RBFOX1: variants seen among roughly 807,000 people sequenced by gnomAD.
RBFOX1 encodes RNA binding fox-1 homolog 1, also known as RNA binding protein fox-1 homolog 1.
In RBFOX1, 8 loss-of-function variants were observed where a neutral mutation model predicts 57.7. That is an observed-to-expected ratio of 0.14 (90% CI 0.08 to 0.25). The LOEUF is 0.25. Ranked by LOEUF, RBFOX1 falls within the 10% of genes least tolerant of loss-of-function variation. The probability of loss-of-function intolerance (pLI) is 1.00; values close to 1 mark genes in which losing one functional copy is unlikely to be tolerated. For synonymous variants in RBFOX1, 326 were observed against 222.4 expected (o/e 1.47, Z -4.15); for missense variants, 611 against 548.5 (o/e 1.11, Z -1.14).
intron 1 of RBFOX1, among the ~76,000 whole-genome samples, chr16:5,274,571 A>G (rs190183710): frequency 9.2e-5 from 14 of 152,308 alleles, no homozygotes; most frequent in Non-Finnish European, 2.9e-5. Flanking sequence ...AGTTAGGATG[A>G]AAGCTTCCAA....
At chr16:6,609,400 A>C (rs1011468953) in intron 2 of RBFOX1, among the ~76,000 whole-genome samples, 2 of 151,824 alleles carry the variant, frequency 1.3e-5, no homozygotes, top group African/African-American at 4.8e-5. Flanking sequence ...GCTGGAGTGC[A>C]GTAGTGCAGT....
chr16:6,659,451 A>G (rs1407015879), intron 3 of RBFOX1, among the ~76,000 whole-genome samples: 3 of 152,124 alleles, frequency 2.0e-5, no homozygotes, highest in Non-Finnish European at 4.4e-5. Flanking sequence ...ATCTTTTTAC[A>G]ATACTTCTTC....
At chr16:5,646,345 C>T (rs1401757482) in intron 3 of RBFOX1, among the ~76,000 whole-genome samples, 2 of 151,836 alleles carry the variant, frequency 1.3e-5, no homozygotes, top group Non-Finnish European at 2.9e-5. Context: ...CACTATGTTG[C>T]TCAGGCTGAT....
intron 1 of RBFOX1, among the ~76,000 whole-genome samples, chr16:5,375,480 C>T (rs771407801): frequency 1.7e-4 from 26 of 151,472 alleles, no homozygotes; most frequent in Non-Finnish European, 2.7e-4. Flanking sequence ...GGTGATAAGT[C>T]GGGTGTTCTG....
At chr16:7,065,953 C>T (rs1356813826) in intron 4 of RBFOX1, among the ~76,000 whole-genome samples, 1 of 152,098 alleles carries the variant, frequency 6.6e-6, no homozygotes, top group Non-Finnish European at 1.5e-5. Flanking sequence ...CCCACAGTAA[C>T]TTGTGTAAAA....
intron 3 of RBFOX1, among the ~76,000 whole-genome samples, chr16:6,998,274 A>G (rs1596467106): frequency 6.6e-6 from 1 of 152,206 alleles, no homozygotes; most frequent in South Asian, 2.1e-4. Context: ...GGGGTTCTAG[A>G]AACTGGCTTA....
rs138769506 is a variant in RBFOX1, at chr16:5,375,215, T to C, written c.220-92001T>C. Among the ~76,000 whole-genome samples, 49 of 152,080 alleles carry C rather than the reference T, an allele frequency of 3.2e-4. 1 individual carries two copies. The East Asian group carries it at 9.3e-3, about 29-fold the overall frequency. On this transcript the variant is annotated intron_variant, in intron 1 of 2. Coordinates refer to the RBFOX1 transcript ENST00000585867. Reference sequence around the variant, plus strand: ...GCACTTTAATGGTCATTGTGACTCTTGGAGAGGGGAAGATGACATGTGATA... The same window carrying C: ...GCACTTTAATGGTCATTGTGACTCTCGGAGAGGGGAAGATGACATGTGATA...
At chr16:7,260,738 C>T (rs771717038) in intron 4 of RBFOX1, among the ~76,000 whole-genome samples, 21 of 152,066 alleles carry the variant, frequency 1.4e-4, no homozygotes, top group Non-Finnish European at 2.6e-4. Context: ...AAGCTTTTTA[C>T]GAACTTCAGG....
At chr16:5,650,917 C>G (rs569807301) in intron 3 of RBFOX1, among the ~76,000 whole-genome samples, 1 of 149,810 alleles carries the variant, frequency 6.7e-6, no homozygotes, top group East Asian at 1.9e-4. Context: ...TCTCCTTGAT[C>G]ACTTTTCACT....
chr16:5,632,152 T>G (rs532246392), intron 3 of RBFOX1, among the ~76,000 whole-genome samples: 1 of 152,332 alleles, frequency 6.6e-6, no homozygotes, highest in South Asian at 2.1e-4. Flanking sequence ...GCAGGTAAGC[T>G]ACTTCATATG....
At position 7,607,421 on chromosome 16, in the gene RBFOX1, A is replaced by G. The variant is rs1596396470; in HGVS notation, c.676+83A>G. ...GCCAAGAATGAATGAGTTTTGTAAA[A>G]TAACCTGAAGCAAGTGAATTCCTAT... On this transcript the variant is annotated intron_variant, in intron 10 of 15. Coordinates refer to ENST00000550418, the MANE Select transcript of RBFOX1 (RefSeq NM_018723.4). The G allele has an allele frequency of 4.6e-6, 6 of 1,311,760 alleles. No individual in the cohort carries two copies. In the East Asian group the frequency reaches 1.4e-4, roughly 31 times the overall value. The allele number at this position is 1,311,760 out of a possible 1,614,324, so 81.3% of individuals were successfully genotyped here.
chr16:5,917,389 A>G (rs2058729514), intron 4 of RBFOX1, among the ~76,000 whole-genome samples: 1 of 152,350 alleles, frequency 6.6e-6, no homozygotes, highest in African/African-American at 2.4e-5. Context: ...CCAACAGCCT[A>G]AGAGATTTGG....
intron 3 of RBFOX1, among the ~76,000 whole-genome samples, chr16:6,784,755 G>C (rs1009466730): frequency 6.6e-6 from 1 of 151,816 alleles, no homozygotes; most frequent in African/African-American, 2.4e-5. Flanking sequence ...GTGTTCCTGT[G>C]GTCGGGGGTT....
chr16:7,492,033 A>T (rs1187814279), intron 4 of RBFOX1, among the ~76,000 whole-genome samples: 1 of 152,184 alleles, frequency 6.6e-6, no homozygotes, highest in African/African-American at 2.4e-5. Context: ...TTCCAGCATC[A>T]GAATCCTGTG....
intron 2 of RBFOX1, among the ~76,000 whole-genome samples, chr16:6,489,179 T>C (rs983396712): frequency 6.6e-6 from 1 of 152,174 alleles, no homozygotes; most frequent in Non-Finnish European, 1.5e-5. Context: ...CTTGGTACTC[T>C]TGTCACTAGA....
At chr16:7,508,408 C>G (rs185675038) in intron 4 of RBFOX1, among the ~76,000 whole-genome samples, 1 of 152,164 alleles carries the variant, frequency 6.6e-6, no homozygotes, top group South Asian at 2.1e-4. Flanking sequence ...GTTGGCCTCT[C>G]AGTTGAGGAC....
Position 5,687,792 on chromosome 16 carries a change from T to C in RBFOX1, c.318+88831T>C, listed in dbSNP as rs541888537. Among the ~76,000 whole-genome samples the C allele has an allele frequency of 8.5e-5, 13 of 152,314 alleles. No homozygotes were observed. The East Asian group carries it at 2.5e-3, about 29-fold the overall frequency. ...CACTAATGGCTCTGCTGTCGGAGTC[T>C]GAAGTACCGGGTATGTATGGTCTCA... On this transcript the variant is annotated intron_variant, in intron 3 of 19. Coordinates refer to the RBFOX1 transcript ENST00000641259.
intron 1 of RBFOX1, among the ~76,000 whole-genome samples, chr16:5,332,637 T>C (rs967017792): frequency 3.7e-5 from 5 of 134,034 alleles, no homozygotes; most frequent in Non-Finnish European, 6.2e-5. Context: ...ATATCGTATA[T>C]TTATATTTTT....
At chr16:7,680,875 A>G (rs570019358) in intron 14 of RBFOX1, among the ~76,000 whole-genome samples, 2 of 152,190 alleles carry the variant, frequency 1.3e-5, no homozygotes, top group African/African-American at 4.8e-5. Flanking sequence ...AAAATGCCAT[A>G]TTATCTTCCT....
Sources: gnomAD v4.1 joint callset for allele counts (sites outside exome capture counted in the v4.1 genomes callset) on GRCh38, gnomAD v4.1.1 for gene constraint, MANE v1.5 for transcripts, NCBI Gene and HGNC (gene_info 2026-07-23, HGNC 2026-07-21) for gene names.